Variants in EXOC4 observed in about 807,000 individuals in gnomAD.
EXOC4 encodes the protein SEC8-like 1.
EXOC4 carries 71 observed loss-of-function variants against 107.2 expected under a neutral mutation model. The ratio of observed to expected loss-of-function variants is 0.66; its 90% CI spans 0.55 to 0.81. EXOC4 has a LOEUF of 0.81. Ranked by LOEUF, EXOC4 falls within the 30% of genes least tolerant of loss-of-function variation. EXOC4 has a pLI of 0.00. For synonymous variants in EXOC4, 456 were observed against 441.2 expected (o/e 1.03, Z -0.42); for missense variants, 1,108 against 1,189.6 (o/e 0.93, Z 1.01).
chr7:133,366,900 A>G (rs1796259733), intron 6 of EXOC4, among the ~76,000 whole-genome samples: 1 of 152,180 alleles, frequency 6.6e-6, no homozygotes, highest in Non-Finnish European at 1.5e-5. Context: ...TAATCCTGGC[A>G]AAAGGCAACA....
rs757669281 is a variant in EXOC4, at chr7:133,919,167, T to C, written c.2027+1429T>C. ...ATTATTCACAGTATCTGAAAGAAAC[T>C]TGTTAGCTAGTTAATTATATAAGAA... On this transcript the variant is annotated intron_variant, in intron 13 of 17. Transcript: ENST00000253861. Among the ~76,000 whole-genome samples the C allele has an allele frequency of 5.1e-4, 78 of 152,232 alleles. 1 individual carries two copies. The highest frequency in any genetic ancestry group is 8.7e-4 in the Non-Finnish European group (59 of 68,038).
At chr7:133,609,513 G>A (rs1378198256) in intron 9 of EXOC4, among the ~76,000 whole-genome samples, 1 of 152,180 alleles carries the variant, frequency 6.6e-6, no homozygotes, top group African/African-American at 2.4e-5. Flanking sequence ...ATACGTAGAA[G>A]TCAGCTGAGA....
intron 7 of EXOC4, among the ~76,000 whole-genome samples, chr7:133,397,535 A>G (rs1367768351): frequency 6.6e-6 from 1 of 152,116 alleles, no homozygotes; most frequent in African/African-American, 2.4e-5. Context: ...TCTGTAAACT[A>G]TTGCTGTGTC....
chr7:133,624,840 A>ACCTG (rs1197483867), intron 9 of EXOC4, among the ~76,000 whole-genome samples: 5 of 150,764 alleles, frequency 3.3e-5, no homozygotes, highest in African/African-American at 1.2e-4. Flanking sequence ...TAATCTGCCC[A>ACCTG]CCTCAGCCTC....
intron 17 of EXOC4, among the ~76,000 whole-genome samples, chr7:134,016,105 C>G (rs1794903004): frequency 6.6e-6 from 1 of 151,922 alleles, no homozygotes; most frequent in South Asian, 2.1e-4. Flanking sequence ...GATAAGGATA[C>G]AGGAGGAGAG....
intron 11 of EXOC4, among the ~76,000 whole-genome samples, chr7:133,862,718 A>G (rs1798561555): frequency 1.3e-5 from 2 of 152,202 alleles, no homozygotes; most frequent in South Asian, 4.1e-4. Context: ...CATATATACT[A>G]TATACATATA....
chr7:133,473,741 C>T (rs1326538459), intron 7 of EXOC4, among the ~76,000 whole-genome samples: 3 of 151,680 alleles, frequency 2.0e-5, no homozygotes, highest in Non-Finnish European at 4.4e-5. Context: ...CACTCTGTCG[C>T]CCAGGCTGGA....
intron 7 of EXOC4, among the ~76,000 whole-genome samples, chr7:133,415,027 C>CAT (rs1267293257): frequency 6.6e-6 from 1 of 152,106 alleles, no homozygotes; most frequent in Non-Finnish European, 1.5e-5. Context: ...TAAATGAAAT[C>CAT]ATATAATATG....
At chr7:133,789,105 G>A (rs1796650652) in intron 10 of EXOC4, among the ~76,000 whole-genome samples, 1 of 152,074 alleles carries the variant, frequency 6.6e-6, no homozygotes, top group Non-Finnish European at 1.5e-5. Flanking sequence ...GAGTGATCCT[G>A]TTAAAACACA....
chr7:133,975,065 C>T (rs1360771699), intron 14 of EXOC4, among the ~76,000 whole-genome samples: 2 of 151,434 alleles, frequency 1.3e-5, no homozygotes, highest in Admixed American at 6.6e-5. Context: ...GAGGAAAGCA[C>T]AAATATTTAT....
At chr7:133,541,971 C>T (rs1800389055) in intron 9 of EXOC4, among the ~76,000 whole-genome samples, 1 of 152,030 alleles carries the variant, frequency 6.6e-6, no homozygotes, top group Non-Finnish European at 1.5e-5. Flanking sequence ...CTTTTGCTTT[C>T]CGGTAGATTC....
At position 133,356,388 on chromosome 7, in the gene EXOC4, C is replaced by T. The variant is rs1563032926; in HGVS notation, c.822C>T (p.Asn274=). 1 of 1,613,996 alleles carries T rather than the reference C, an allele frequency of 6.2e-7. No individual in the cohort carries two copies. Among genetic ancestry groups the T allele is most frequent in the Non-Finnish European group, 8.5e-7 (1 of 1,179,958 alleles). Residue 274 remains asparagine (N), a synonymous_variant, in exon 6 of 18, where the codon AAC becomes AAT. Coordinates refer to ENST00000253861, the MANE Select transcript of EXOC4 (RefSeq NM_021807.4). ...KEDLELDPEE[N]STLFMGILIK... Reference sequence around the variant, plus strand: ...ATTTAGAATTGGATCCAGAGGAAAACAGCACCCTGTTTATGGGTATCCTCA... The same window carrying T: ...ATTTAGAATTGGATCCAGAGGAAAATAGCACCCTGTTTATGGGTATCCTCA...
At chr7:133,623,152 T>C (rs1025767150) in intron 9 of EXOC4, among the ~76,000 whole-genome samples, 1 of 152,168 alleles carries the variant, frequency 6.6e-6, no homozygotes, top group African/African-American at 2.4e-5. Flanking sequence ...TTTTTCTACA[T>C]ATCCAGGATA....
intron 10 of EXOC4, among the ~76,000 whole-genome samples, chr7:133,784,683 A>T (rs1443100947): frequency 6.6e-6 from 1 of 152,186 alleles, no homozygotes; most frequent in Admixed American, 6.5e-5. Context: ...GAAAAGTGTT[A>T]CTTGGTATTA....
At chr7:133,695,456 T>C (rs1794514157) in intron 10 of EXOC4, among the ~76,000 whole-genome samples, 1 of 152,132 alleles carries the variant, frequency 6.6e-6, no homozygotes, top group South Asian at 2.1e-4. Context: ...ATCTTTGATA[T>C]ATTGATTTTT....
At chr7:133,636,333 TC>T (rs1416737523) in intron 10 of EXOC4, among the ~76,000 whole-genome samples, 5 of 152,342 alleles carry the variant, frequency 3.3e-5, no homozygotes, top group African/African-American at 1.2e-4. Flanking sequence ...GATGTTGCTT[TC>T]TACCTGTTAA....
chr7:133,428,007 A>C (rs1049375738), intron 7 of EXOC4, among the ~76,000 whole-genome samples: 1 of 152,200 alleles, frequency 6.6e-6, no homozygotes, highest in Non-Finnish European at 1.5e-5. Flanking sequence ...TGCTTTCAAG[A>C]GTTTGAGAAA....
At chr7:133,995,876 A>G (rs1333334323) in intron 14 of EXOC4, among the ~76,000 whole-genome samples, 2 of 152,212 alleles carry the variant, frequency 1.3e-5, no homozygotes, top group African/African-American at 4.8e-5. Context: ...TGTAGACACT[A>G]CACACTACAG....
intron 10 of EXOC4, among the ~76,000 whole-genome samples, chr7:133,776,980 A>G (rs1796357787): frequency 6.6e-6 from 1 of 152,210 alleles, no homozygotes; most frequent in Non-Finnish European, 1.5e-5. Context: ...AAAGTAACAA[A>G]AATGAAAACA....
Sources: allele counts gnomAD v4.1 joint callset (sites outside exome capture counted in the v4.1 genomes callset), GRCh38; gene constraint gnomAD v4.1.1; transcripts MANE v1.5; gene names NCBI Gene and HGNC (gene_info 2026-07-23, HGNC 2026-07-21).